GALNT2: variants seen among roughly 807,000 people sequenced by gnomAD.
The protein encoded by GALNT2 is UDP-GalNAc:polypeptide N-acetylgalactosaminyltransferase 2.
A neutral mutation model predicts 81.4 loss-of-function variants in GALNT2; 31 were observed. The ratio of observed to expected loss-of-function variants is 0.38; its 90% CI spans 0.29 to 0.51. The LOEUF is 0.51. Among genes scored for constraint, GALNT2 ranks in the 20% least tolerant of loss-of-function variants. The pLI is 0.87. For synonymous variants in GALNT2, 303 were observed against 287.4 expected (o/e 1.05, Z -0.55); for missense variants, 629 against 765.7 (o/e 0.82, Z 2.11).
chr1:230,232,663 T>G (rs928845669), intron 3 of GALNT2, among the ~76,000 whole-genome samples: 13 of 152,250 alleles, frequency 8.5e-5, no homozygotes, highest in Admixed American at 6.5e-4. Context: ...CGCGGAGTCC[T>G]TATTTCATTA....
chr1:230,168,695 T>C (rs904649373), intron 1 of GALNT2, among the ~76,000 whole-genome samples: 3 of 152,212 alleles, frequency 2.0e-5, no homozygotes, highest in Non-Finnish European at 1.5e-5. Context: ...TACAATTTTA[T>C]TTTTTTCTAG....
intron 1 of GALNT2, among the ~76,000 whole-genome samples, chr1:230,103,729 G>GA (rs71173782): frequency 1.6e-4 from 23 of 147,350 alleles, no homozygotes; most frequent in East Asian, 4.0e-4. Context: ...AAGCCAAAAG[G>GA]AAAAAAAAAA....
chr1:230,231,633 G>T (rs144704860), intron 3 of GALNT2, among the ~76,000 whole-genome samples: 12 of 152,280 alleles, frequency 7.9e-5, no homozygotes, highest in African/African-American at 2.2e-4. Flanking sequence ...TGGTGGTTTA[G>T]ATTCACCAGT....
At chr1:230,116,086 G>C (rs1355057774) in intron 1 of GALNT2, among the ~76,000 whole-genome samples, 1 of 152,214 alleles carries the variant, frequency 6.6e-6, no homozygotes, top group Non-Finnish European at 1.5e-5. Context: ...GCTCTGGTTA[G>C]TGTTGATATT....
rs185036115 is a variant in GALNT2 at position 230,137,196 on chromosome 1, C to G, written c.127-41022C>G. Among the ~76,000 whole-genome samples, 11 of 152,318 alleles carry G rather than the reference C, an allele frequency of 7.2e-5. No individual in the cohort carries two copies. The East Asian group carries it at 1.9e-3, about 27-fold the overall frequency. ...CTTTTCACTGGAGCCTGAGTGGATG[C>G]AGGGAGGCACACATGCTTCATAGAA... On this transcript the variant is annotated intron_variant, in intron 1 of 15. Transcript: ENST00000366672.
At chr1:230,106,917 C>G (rs1660561307) in intron 1 of GALNT2, among the ~76,000 whole-genome samples, 1 of 152,188 alleles carries the variant, frequency 6.6e-6, no homozygotes, top group African/African-American at 2.4e-5. Flanking sequence ...TTATTTCCCC[C>G]ATATTTTCAG....
chr1:230,270,603 T>C (rs752577529), intron 14 of GALNT2, among the ~76,000 whole-genome samples: 3 of 152,232 alleles, frequency 2.0e-5, no homozygotes, highest in Non-Finnish European at 2.9e-5. Flanking sequence ...ACAAACCCAC[T>C]GTGCGTGAGT....
chr1:230,150,140 C>T (rs1482032579), intron 1 of GALNT2, among the ~76,000 whole-genome samples: 1 of 152,204 alleles, frequency 6.6e-6, no homozygotes, highest in Non-Finnish European at 1.5e-5. Context: ...GGATGCGGAG[C>T]CCATGAGTGG....
At chr1:230,060,128 C>G (rs1558264555) in intron 1 of GALNT2, among the ~76,000 whole-genome samples, 1 of 152,182 alleles carries the variant, frequency 6.6e-6, no homozygotes, top group Non-Finnish European at 1.5e-5. Context: ...CATTTCCTTA[C>G]TCTTTCTTTG....
At chr1:230,226,170 G>A (rs548489922) in intron 3 of GALNT2, among the ~76,000 whole-genome samples, 3 of 152,344 alleles carry the variant, frequency 2.0e-5, no homozygotes, top group African/African-American at 7.2e-5. Context: ...TGTCCATTCT[G>A]TGTCCATGGG....
upstream of GALNT2, among the ~76,000 whole-genome samples, chr1:230,064,686 A>T (rs1001914974): frequency 6.6e-6 from 1 of 151,764 alleles, no homozygotes; most frequent in Non-Finnish European, 1.5e-5. Flanking sequence ...TAAGTTTCAT[A>T]TTTTTTTTAG....
At position 230,159,897 on chromosome 1, in the gene GALNT2, G is replaced by C. The variant is rs61823271; in HGVS notation, c.127-18321G>C. Among the ~76,000 whole-genome samples, 358 of 152,290 alleles carry C rather than the reference G, an allele frequency of 2.4e-3. 1 individual carries two copies. The highest frequency in any genetic ancestry group is 6.8e-3 in the Middle Eastern group (2 of 294). ...CTGGATCCCTGTTTGCTAGAGCTTT[G>C]TTCCTACTCTGGAGGAGTCAGCTGC... is the stretch of plus-strand genomic sequence containing the variant. On this transcript the variant is annotated intron_variant, in intron 1 of 15. Transcript: ENST00000366672.
At position 230,185,308 on chromosome 1, in the gene GALNT2, G is replaced by A. The variant is rs865894931; in HGVS notation, c.220+6997G>A. On this transcript the variant is annotated intron_variant, in intron 2 of 15. Transcript: ENST00000366672. Reference sequence around the variant, plus strand: ...TGTGTGTGTGTGTGTGTGTGCGCGCGTGTGTGTGTGTGTTTAACCTCTTAG... The same window carrying A: ...TGTGTGTGTGTGTGTGTGTGCGCGCATGTGTGTGTGTGTTTAACCTCTTAG... Among the ~76,000 whole-genome samples, 114 of 142,966 alleles carry A rather than the reference G, an allele frequency of 8.0e-4. 1 individual carries two copies. The highest frequency in any genetic ancestry group is 7.5e-3 in the Middle Eastern group (2 of 268). The allele number at this position is 142,966 out of a possible 152,430, so 93.8% of individuals were successfully genotyped here. A position where few individuals can be genotyped will look rare whatever the true frequency, so the allele number is the denominator to read the frequency against.
intron 1 of GALNT2, among the ~76,000 whole-genome samples, chr1:230,155,111 A>AC (rs1277166164): frequency 6.6e-6 from 1 of 151,498 alleles, no homozygotes; most frequent in Non-Finnish European, 1.5e-5. Flanking sequence ...TGCACCCCCC[A>AC]CCCCGTTTCC....
At chr1:230,188,183 C>T (rs1320778385) in intron 2 of GALNT2, among the ~76,000 whole-genome samples, 2 of 152,104 alleles carry the variant, frequency 1.3e-5, no homozygotes, top group Non-Finnish European at 1.5e-5. Flanking sequence ...CTTTCTTTGC[C>T]CCAGAAGATT....
At chr1:230,164,878 TC>T (rs1429187637) in intron 1 of GALNT2, among the ~76,000 whole-genome samples, 3 of 152,052 alleles carry the variant, frequency 2.0e-5, no homozygotes, top group African/African-American at 7.2e-5. Context: ...TACCTGAGAT[TC>T]TACAGTAGTG....
At chr1:230,251,573 T>A (rs768033836) in intron 10 of GALNT2, among the ~76,000 whole-genome samples, 3 of 152,154 alleles carry the variant, frequency 2.0e-5, no homozygotes, top group Non-Finnish European at 4.4e-5. Flanking sequence ...TCCTTTTGGG[T>A]TGTTTTAAAA....
chr1:230,083,638 A>C (rs1659814966), intron 1 of GALNT2, among the ~76,000 whole-genome samples: 1 of 152,202 alleles, frequency 6.6e-6, no homozygotes, highest in South Asian at 2.1e-4. Flanking sequence ...TAGAATCCTC[A>C]TTTTAAGGCA....
intron 1 of GALNT2, among the ~76,000 whole-genome samples, chr1:230,058,690 C>A (rs888110087): frequency 6.6e-6 from 1 of 152,334 alleles, no homozygotes; most frequent in East Asian, 1.9e-4. Flanking sequence ...TCAGGGCAAT[C>A]GATTCCTTTA....
Sources: gnomAD v4.1 joint callset for allele counts (sites outside exome capture counted in the v4.1 genomes callset) on GRCh38, gnomAD v4.1.1 for gene constraint, MANE v1.5 for transcripts, NCBI Gene and HGNC (gene_info 2026-07-23, HGNC 2026-07-21) for gene names.